The following KIRREL3 variants were observed in gnomAD, a reference collection of about 807,000 sequenced individuals.
KIRREL3 encodes kin of IRRE-like protein 3.
Under a neutral mutation model 89.7 loss-of-function variants are expected in KIRREL3, and 36 were observed. That is an observed-to-expected ratio of 0.40 (90% CI 0.31 to 0.53). The LOEUF is 0.53. Among genes scored for constraint, KIRREL3 ranks in the 20% least tolerant of loss-of-function variants. The pLI, the probability that KIRREL3 is intolerant of heterozygous loss-of-function variation, is 0.49. For synonymous variants in KIRREL3, 445 were observed against 441.4 expected (o/e 1.01, Z -0.10); for missense variants, 864 against 1,056.6 (o/e 0.82, Z 2.53).
chr11:126,992,794 A>G (rs1475691822), intron 1 of KIRREL3, among the ~76,000 whole-genome samples: 4 of 152,102 alleles, frequency 2.6e-5, no homozygotes, highest in African/African-American at 9.7e-5. Flanking sequence ...CTGCGCCTCT[A>G]ACTAGCCAAG....
In KIRREL3 at chr11:126,943,129, C is replaced by T. The variant is rs1038923485; in HGVS notation, c.55+57326G>A. ...TGCACAGATTTCTGATAAATGTTTTCATCAGTGCCATAGGCCTGGGTGCTG... is the reference window on the plus strand; with the variant it reads ...TGCACAGATTTCTGATAAATGTTTTTATCAGTGCCATAGGCCTGGGTGCTG... On this transcript the variant is annotated intron_variant, in intron 1 of 16. Transcript: ENST00000525144. This position sits in a 1 kb window ranked among gnomAD's most constrained non-coding sequence, Gnocchi z 4.2. Among the ~76,000 whole-genome samples the T allele has an allele frequency of 7.2e-5, 11 of 152,226 alleles. No homozygotes were observed. The highest frequency in any genetic ancestry group is 1.5e-4 in the Non-Finnish European group (10 of 68,046).
At chr11:126,975,885 T>G (rs1164218980) in intron 1 of KIRREL3, among the ~76,000 whole-genome samples, 1 of 98,744 alleles carries the variant, frequency 1.0e-5, no homozygotes, top group East Asian at 5.0e-4. Flanking sequence ...GTTTTTCTTT[T>G]CCCTCCCTCC....
In KIRREL3 at chr11:126,997,526, C is replaced by T. The variant is rs1950210139; in HGVS notation, c.55+2929G>A. Among the ~76,000 whole-genome samples, 1 of 149,308 alleles carries T rather than the reference C, an allele frequency of 6.7e-6. No individual in the cohort carries two copies. The highest frequency in any genetic ancestry group is 1.5e-5 in the Non-Finnish European group (1 of 67,864). On this transcript the variant is annotated intron_variant, in intron 1 of 16. Coordinates refer to ENST00000525144, the MANE Select transcript of KIRREL3 (RefSeq NM_032531.4). The surrounding 1 kb of genome is among the most constrained non-coding windows in gnomAD (Gnocchi z 4.3). ...TAAAGAAATACTTGATCTCAATCTA[C>T]ATGAAAAGCCCAAACTTTCAAAGAA...
chr11:127,000,893 G>C, upstream of KIRREL3: 1 of 400,010 alleles, frequency 2.5e-6, no homozygotes, highest in Non-Finnish European at 4.4e-6. This position sits in a 1 kb window ranked among gnomAD's most constrained non-coding sequence, Gnocchi z 7.1. Context: ...GAGAGGGAGG[G>C]GAGACAGGTC....
intron 1 of KIRREL3, among the ~76,000 whole-genome samples, chr11:126,774,008 A>G (rs1457817446): frequency 6.6e-6 from 1 of 152,086 alleles, no homozygotes; most frequent in East Asian, 1.9e-4. Context: ...CTGGAGAAAA[A>G]AGTGATGGGG....
chr11:126,844,345 C>A lies in KIRREL3; in HGVS notation c.55+156110G>T, dbSNP rs988879960. On this transcript the variant is annotated intron_variant, in intron 1 of 16. Transcript: ENST00000525144. This position sits in a 1 kb window ranked among gnomAD's most constrained non-coding sequence, Gnocchi z 4.8. ...GGGACAATACTAAGGAAACCCCAGACCCAAAGGCTAACCTTGGGTAAGCAG... is the reference window on the plus strand; with the variant it reads ...GGGACAATACTAAGGAAACCCCAGAACCAAAGGCTAACCTTGGGTAAGCAG... Among the ~76,000 whole-genome samples, 3 of 152,130 alleles carry A rather than the reference C, an allele frequency of 2.0e-5. No homozygotes were observed. Among genetic ancestry groups the A allele is most frequent in the African/African-American group, 7.2e-5 (3 of 41,428 alleles).
At position 126,587,543 on chromosome 11, in the gene KIRREL3, T is replaced by G. The variant is rs1369914460; in HGVS notation, c.56-24631A>C. 1.3e-5 allele frequency among the ~76,000 whole-genome samples: 2 copies of G among 152,162 alleles called. No homozygotes were observed. The highest frequency in any genetic ancestry group is 3.8e-4 in the East Asian group (2 of 5,204). On this transcript the variant is annotated intron_variant, in intron 1 of 16. Coordinates refer to ENST00000525144, the MANE Select transcript of KIRREL3 (RefSeq NM_032531.4). This position sits in a 1 kb window ranked among gnomAD's most constrained non-coding sequence, Gnocchi z 5.2. ...CACTGTGCTCTCGACTCCCCCAGCC[T>G]TTCATTGTATGTGGAAGAGGAGCCA...
At position 126,563,348 on chromosome 11, in the gene KIRREL3, A is replaced by G. The variant is rs1940269581; in HGVS notation, c.56-436T>C. Among the ~76,000 whole-genome samples the G allele has an allele frequency of 6.6e-6, 1 of 152,220 alleles. No individual in the cohort carries two copies. The highest frequency in any genetic ancestry group is 1.5e-5 in the Non-Finnish European group (1 of 68,042). Reference sequence around the variant, plus strand: ...CCAGACCTGCCAGGGATGATGCAGAATCTATCCAGTCGTGTCTAGGATGGA... The same window carrying G: ...CCAGACCTGCCAGGGATGATGCAGAGTCTATCCAGTCGTGTCTAGGATGGA... On this transcript the variant is annotated intron_variant, in intron 1 of 16. Transcript: ENST00000525144. The surrounding 1 kb of genome is among the most constrained non-coding windows in gnomAD (Gnocchi z 6.8).
Position 126,634,454 on chromosome 11 carries a change from C to G in KIRREL3, c.56-71542G>C, listed in dbSNP as rs942424893. 9.8e-5 allele frequency among the ~76,000 whole-genome samples: 15 copies of G among 152,308 alleles called. No individual in the cohort carries two copies. In the East Asian group the frequency reaches 1.5e-3, roughly 16 times the overall value. On this transcript the variant is annotated intron_variant, in intron 1 of 16. Coordinates refer to ENST00000525144, the MANE Select transcript of KIRREL3 (RefSeq NM_032531.4). ...CCCCAGGCTAACATCTACCCTCTCTCGTGGTGCCTGGGACCCTTCTGGACC... is the reference window on the plus strand; with the variant it reads ...CCCCAGGCTAACATCTACCCTCTCTGGTGGTGCCTGGGACCCTTCTGGACC...
chr11:126,984,499 A>T (rs1364597353), intron 1 of KIRREL3, among the ~76,000 whole-genome samples: 5 of 152,170 alleles, frequency 3.3e-5, no homozygotes, highest in Admixed American at 3.3e-4. Context: ...GACCCAGTAA[A>T]AGGTTGCCCT....
At chr11:126,921,236 C>T (rs1458069898) in intron 1 of KIRREL3, among the ~76,000 whole-genome samples, 2 of 152,182 alleles carry the variant, frequency 1.3e-5, no homozygotes, top group South Asian at 2.1e-4. Flanking sequence ...GAGAGTTACA[C>T]CATTGGCTTC....
rs190807343 is a variant in KIRREL3 at position 126,774,559 on chromosome 11, G to A, written c.56-211647C>T. ...CACCCAGGCCTGGAGCAGCTTGAGCGTGCAGTATGCAAACGGTGGGGCTGA... is the reference window on the plus strand; with the variant it reads ...CACCCAGGCCTGGAGCAGCTTGAGCATGCAGTATGCAAACGGTGGGGCTGA... On this transcript the variant is annotated intron_variant, in intron 1 of 16. Coordinates refer to ENST00000525144, the MANE Select transcript of KIRREL3 (RefSeq NM_032531.4). Among the ~76,000 whole-genome samples the A allele has an allele frequency of 2.0e-3, 305 of 152,332 alleles. 2 individuals carry two copies. Among genetic ancestry groups the A allele is most frequent in the Non-Finnish European group, 1.6e-3 (111 of 68,022 alleles).
chr11:126,842,649 G>A (rs118049608), intron 1 of KIRREL3, among the ~76,000 whole-genome samples: 2,070 of 152,278 alleles, frequency 0.014, 25 homozygotes, highest in Non-Finnish European at 0.019. Context: ...TGGCCTACAC[G>A]TGTTGGTTTA....
intron 1 of KIRREL3, among the ~76,000 whole-genome samples, chr11:126,789,264 C>T (rs904997978): frequency 1.3e-5 from 2 of 152,168 alleles, no homozygotes; most frequent in African/African-American, 2.4e-5. Context: ...ACCCTTGCCA[C>T]GTGCAGTGCC....
At chr11:126,929,037 T>C (rs1385021878) in intron 1 of KIRREL3, among the ~76,000 whole-genome samples, 2 of 152,046 alleles carry the variant, frequency 1.3e-5, no homozygotes, top group Non-Finnish European at 2.9e-5. Context: ...AGAGGTCAAG[T>C]TCAGATGTAC....
chr11:126,956,283 G>A (rs528540657), intron 1 of KIRREL3, among the ~76,000 whole-genome samples: 59 of 152,120 alleles, frequency 3.9e-4, no homozygotes, highest in Non-Finnish European at 6.8e-4. Flanking sequence ...TAGAGACTCC[G>A]CTCAGCTCTC....
chr11:126,885,692 A>C (rs1313695037), intron 1 of KIRREL3, among the ~76,000 whole-genome samples: 1 of 152,184 alleles, frequency 6.6e-6, no homozygotes, highest in Non-Finnish European at 1.5e-5. Flanking sequence ...TTCTTTTCTG[A>C]ATAAGAGAGT....
chr11:126,441,110 C>G lies in KIRREL3; in HGVS notation c.1253-561G>C, dbSNP rs886530727. 6.6e-6 allele frequency among the ~76,000 whole-genome samples: 1 copy of G among 152,366 alleles called. No homozygotes were observed. Among genetic ancestry groups the G allele is most frequent in the South Asian group, 2.1e-4 (1 of 4,832 alleles). ...TCCTTAGGGCGGGAATCACCCCGGA[C>G]AGGGGGAATGCATGCGCTGGCCGTG... On this transcript the variant is annotated intron_variant, in intron 10 of 16. Coordinates refer to ENST00000525144, the MANE Select transcript of KIRREL3 (RefSeq NM_032531.4). This position sits in a 1 kb window ranked among gnomAD's most constrained non-coding sequence, Gnocchi z 5.0.
intron 15 of KIRREL3, among the ~76,000 whole-genome samples, chr11:126,426,651 C>G (rs1954949980): frequency 6.6e-6 from 1 of 152,220 alleles, no homozygotes; most frequent in African/African-American, 2.4e-5. Flanking sequence ...GATGCTTAAC[C>G]TGTGACACAC....
Sources: allele counts gnomAD v4.1 joint callset (sites outside exome capture counted in the v4.1 genomes callset), GRCh38; gene constraint gnomAD v4.1.1; non-coding constraint Gnocchi (gnomAD v3.1); transcripts MANE v1.5; gene names NCBI Gene and HGNC (gene_info 2026-07-23, HGNC 2026-07-21).